The following CLDN2 variants were observed in gnomAD, a reference collection of about 807,000 sequenced individuals.
The protein encoded by CLDN2 is claudin-2.
CLDN2 carries 1 observed loss-of-function variant against 8.2 expected under a neutral mutation model. That is an observed-to-expected ratio of 0.12 (90% CI 0.04 to 0.58). The LOEUF (loss-of-function observed/expected upper bound fraction) is 0.58, where lower values mean the gene tolerates loss of function less well. Among genes scored for constraint, CLDN2 ranks in the 20% least tolerant of loss-of-function variants. The pLI is 0.90. For missense variants in CLDN2, 108 were observed against 172.9 expected (o/e 0.62, Z 2.11); for synonymous variants, 70 against 70.2 (o/e 1.00, Z 0.01).
At chrX:106,910,040 C>T (rs780463383) in intron 1 of CLDN2, among the ~76,000 whole-genome samples, 1 of 111,522 alleles carries the variant, frequency 9.0e-6, no homozygotes, top group Non-Finnish European at 1.9e-5. Flanking sequence ...CCATCCAGCT[C>T]CTCCCCTGGC....
intron 1 of CLDN2, 93 bp from the exon 2 acceptor site, chrX:106,927,958 C>A: frequency 2.7e-4 from 60 of 226,210 alleles, no homozygotes; most frequent in Admixed American, 3.3e-4. Flanking sequence ...TGTGTTATTT[C>A]TAAAGATAAC....
At chrX:106,909,591 T>C (rs1016695746) in intron 1 of CLDN2, among the ~76,000 whole-genome samples, 1 of 111,952 alleles carries the variant, frequency 8.9e-6, no homozygotes, top group African/African-American at 3.2e-5. Context: ...GGGTGCCCAG[T>C]GGAGGCCCGA....
intron 1 of CLDN2, among the ~76,000 whole-genome samples, chrX:106,911,124 A>G (rs1202289702): frequency 8.9e-6 from 1 of 111,737 alleles, no homozygotes; most frequent in Non-Finnish European, 1.9e-5. Flanking sequence ...ATCTTTTACC[A>G]TGCAGGTGAT....
At chrX:106,908,072 G>A (rs754499077) in intron 1 of CLDN2, among the ~76,000 whole-genome samples, 1 of 111,245 alleles carries the variant, frequency 9.0e-6, no homozygotes, top group African/African-American at 3.3e-5. Flanking sequence ...TCAAAACTTC[G>A]GCTGCTGATT....
intron 1 of CLDN2, chrX:106,902,207 C>A: frequency 1.7e-6 from 2 of 1,178,815 alleles, no homozygotes; most frequent in Non-Finnish European, 2.3e-6. Context: ...CCTCCAGAGA[C>A]AAGTTCCTCT....
intron 1 of CLDN2, among the ~76,000 whole-genome samples, chrX:106,913,027 A>G (rs957213026): frequency 9.0e-6 from 1 of 111,498 alleles, no homozygotes; most frequent in African/African-American, 3.3e-5. Context: ...GGGTGGACCG[A>G]TATTTTCCAG....
At position 106,920,445 on chromosome X, in the gene CLDN2, T is replaced by C. The variant is rs1386959127; in HGVS notation, c.-285T>C. The C allele has an allele frequency of 2.0e-4, 22 of 110,833 alleles. No homozygotes were observed. The Admixed American group carries it at 2.1e-3, about 11-fold the overall frequency. The allele number at this position is 110,833 out of a possible 1,213,427, so 9.1% of individuals were successfully genotyped here. On this transcript the variant is annotated 5_prime_UTR_variant, in exon 1 of 2. Coordinates refer to ENST00000336803, the MANE Select transcript of CLDN2 (RefSeq NM_020384.4). ...GCTGTGGTTAACGATTAGAAATCCT[T>C]TATCACCTCAGCCCGTGGCCCCTTG... is the stretch of plus-strand genomic sequence containing the variant.
upstream of CLDN2, among the ~76,000 whole-genome samples, chrX:106,919,927 A>T (rs1212636906): frequency 8.9e-6 from 1 of 112,404 alleles, no homozygotes; most frequent in East Asian, 2.8e-4. Context: ...AACCTACAGT[A>T]CCCATGTTTG....
rs142173484 is a variant in CLDN2 at position 106,913,100 on chromosome X, A to AT, written c.-179+12608dup. 3.1e-3 allele frequency among the ~76,000 whole-genome samples: 323 copies of AT among 104,460 alleles called. 3 individuals carry two copies. Among genetic ancestry groups the AT allele is most frequent in the Admixed American group, 8.0e-3 (78 of 9,772 alleles). The allele number at this position is 104,460 out of a possible 115,157, so 90.7% of individuals were successfully genotyped here. The stretch of plus-strand genomic sequence containing the variant: ...AACAGATCCATTCAAAGTGCAATTG[A>AT]TTTTTTTTTTTTGAGACAGAATCTC... On this transcript the variant is annotated intron_variant, in intron 1 of 1. Transcript: ENST00000541806.
At chrX:106,918,417 A>T, upstream of CLDN2, 1 of 111,620 alleles carries the variant, frequency 9.0e-6, no homozygotes. Flanking sequence ...CCCTGGAGAG[A>T]CCCTTGCTCA....
intron 1 of CLDN2, among the ~76,000 whole-genome samples, chrX:106,924,309 G>A (rs746803085): frequency 9.0e-6 from 1 of 110,745 alleles, no homozygotes; most frequent in Non-Finnish European, 1.9e-5. Flanking sequence ...AGCTCAAAAA[G>A]TAGTAGTAAA....
chrX:106,909,191 C>A (rs975297289), intron 1 of CLDN2, among the ~76,000 whole-genome samples: 1 of 112,175 alleles, frequency 8.9e-6, no homozygotes, highest in Non-Finnish European at 1.9e-5. Flanking sequence ...AAGCACTCTG[C>A]GTGAATTAAT....
At chrX:106,907,017 T>C (rs1317213200) in intron 1 of CLDN2, among the ~76,000 whole-genome samples, 1 of 111,662 alleles carries the variant, frequency 9.0e-6, no homozygotes, top group East Asian at 2.8e-4. Flanking sequence ...TTTTCCTGGC[T>C]CCCATTCACA....
At chrX:106,903,378 G>T in intron 1 of CLDN2, 1 of 943,715 alleles carries the variant, frequency 1.1e-6, no homozygotes, top group Non-Finnish European at 1.4e-6. Flanking sequence ...TATAAGCCCT[G>T]CCTGGTCTTA....
At chrX:106,914,081 C>T (rs1436915189), upstream of CLDN2, among the ~76,000 whole-genome samples, 5 of 106,702 alleles carry the variant, frequency 4.7e-5, no homozygotes, top group East Asian at 8.9e-4. Flanking sequence ...GGCTCCCAAG[C>T]AGCTGGGATT....
At chrX:106,903,688 T>A (rs1445230197) in intron 1 of CLDN2, among the ~76,000 whole-genome samples, 1 of 112,112 alleles carries the variant, frequency 8.9e-6, no homozygotes, top group African/African-American at 3.2e-5. Flanking sequence ...GAGGGCTGAA[T>A]AGACAGGCCT....
chrX:106,905,235 A>G (rs897395179), intron 1 of CLDN2, among the ~76,000 whole-genome samples: 12 of 112,123 alleles, frequency 1.1e-4, no homozygotes, highest in African/African-American at 3.9e-4. Context: ...GCTCAATCAA[A>G]GGAAAACTTT....
chrX:106,902,118 C>G (rs180724711), intron 1 of CLDN2: 1 of 1,171,506 alleles, frequency 8.5e-7, no homozygotes, highest in Non-Finnish European at 1.2e-6. Context: ...TGTGAACACA[C>G]GTCACAAGGG....
At chrX:106,923,453 G>A (rs1205078057) in intron 1 of CLDN2, among the ~76,000 whole-genome samples, 1 of 112,254 alleles carries the variant, frequency 8.9e-6, no homozygotes, top group African/African-American at 3.2e-5. Flanking sequence ...AAGAAACGAT[G>A]GTTGCATAGT....
Sources: allele counts gnomAD v4.1 joint callset (sites outside exome capture counted in the v4.1 genomes callset), GRCh38; gene constraint gnomAD v4.1.1; transcripts MANE v1.5; gene names NCBI Gene and HGNC (gene_info 2026-07-23, HGNC 2026-07-21).